The following MGAT3 variants were observed in gnomAD, a reference collection of about 807,000 sequenced individuals.
MGAT3 encodes the protein GlcNAc-T III.
A neutral mutation model predicts 29.8 loss-of-function variants in MGAT3; 9 were observed. The ratio of observed to expected loss-of-function variants is 0.30; its 90% CI spans 0.18 to 0.53. The LOEUF (loss-of-function observed/expected upper bound fraction) is 0.53, where lower values mean the gene tolerates loss of function less well. MGAT3 is among the 20% of genes least tolerant of loss of function. The pLI is 0.96. For synonymous variants in MGAT3, 397 were observed against 348.9 expected (o/e 1.14, Z -1.54); for missense variants, 557 against 769.5 (o/e 0.72, Z 3.27).
In MGAT3 at chr22:39,458,666, A is replaced by G. The variant is rs1248841869; in HGVS notation, c.-2+1109A>G. Among the ~76,000 whole-genome samples, 4 of 152,154 alleles carry G rather than the reference A, an allele frequency of 2.6e-5. No individual in the cohort carries two copies. In the East Asian group the frequency reaches 7.7e-4, roughly 29 times the overall value. ...AGAGGGGTCCCAGCCCAGGAGGAAG[A>G]GAGAGGTTACTGGAAGAGATGACGA... On this transcript the variant is annotated intron_variant, in intron 1 of 1. Coordinates refer to ENST00000341184, the MANE Select transcript of MGAT3 (RefSeq NM_002409.5).
chr22:39,473,237 C>T (rs1257166646), intron 1 of MGAT3, among the ~76,000 whole-genome samples: 1 of 152,208 alleles, frequency 6.6e-6, no homozygotes, highest in Non-Finnish European at 1.5e-5. Flanking sequence ...GGTCTGTAAA[C>T]AGCAGAACTT....
chr22:39,461,971 G>A (rs375532655), intron 1 of MGAT3, among the ~76,000 whole-genome samples: 33 of 151,186 alleles, frequency 2.2e-4, no homozygotes, highest in African/African-American at 5.8e-4. Flanking sequence ...GCATGATCTC[G>A]GCTCACTGCA....
intron 1 of MGAT3, among the ~76,000 whole-genome samples, chr22:39,462,936 C>T (rs969490163): frequency 6.6e-6 from 1 of 152,136 alleles, no homozygotes; most frequent in Non-Finnish European, 1.5e-5. Flanking sequence ...GGGAGACAGA[C>T]CTGTGCACGT....
intron 1 of MGAT3, among the ~76,000 whole-genome samples, chr22:39,465,896 C>T (rs888354069): frequency 2.7e-5 from 4 of 149,604 alleles, no homozygotes; most frequent in Non-Finnish European, 4.4e-5. Flanking sequence ...TGTGCCACTG[C>T]ACTCCAACCT....
At chr22:39,460,561 G>A (rs1928469308) in intron 1 of MGAT3, among the ~76,000 whole-genome samples, 1 of 152,212 alleles carries the variant, frequency 6.6e-6, no homozygotes, top group South Asian at 2.1e-4. Context: ...AGTTTGGGAG[G>A]CCGAGGTGGG....
In MGAT3 at chr22:39,488,409, G is replaced by A. The variant is rs1929352494; in HGVS notation, c.1062G>A (p.Lys354=). ...MRKSLYGFFW[K]QPGTLEVVSG... is the part of the protein sequence containing the mutation. ...AGTCGCTCTACGGCTTCTTCTGGAA[G>A]CAGCCGGGCACCCTGGAGGTGGTGT... Residue 354 remains lysine, a synonymous_variant, in exon 2 of 2, where the codon AAG becomes AAA. Transcript: ENST00000341184. 6.2e-7 allele frequency: 1 copy of A among 1,612,832 alleles called. No individual in the cohort carries two copies. Among genetic ancestry groups the A allele is most frequent in the Non-Finnish European group, 8.5e-7 (1 of 1,180,028 alleles).
At chr22:39,475,348 G>A (rs1928927952) in intron 1 of MGAT3, among the ~76,000 whole-genome samples, 1 of 151,908 alleles carries the variant, frequency 6.6e-6, no homozygotes, top group Non-Finnish European at 1.5e-5. Flanking sequence ...GGAAAGAGCT[G>A]TCCTCAGTGC....
chr22:39,471,680 A>G (rs116945449), intron 1 of MGAT3, among the ~76,000 whole-genome samples: 13 of 152,162 alleles, frequency 8.5e-5, no homozygotes, highest in East Asian at 1.9e-4. Flanking sequence ...CATCGGTTCT[A>G]TTCTTCCCAT....
In MGAT3 at chr22:39,487,720, C is replaced by G. The variant is rs1415896560; in HGVS notation, c.373C>G (p.Leu125Val). 6.4e-7 allele frequency: 1 copy of G among 1,564,240 alleles called. No individual in the cohort carries two copies. Among genetic ancestry groups the G allele is most frequent in the South Asian group, 1.2e-5 (1 of 84,048 alleles). ...CTGCTTCAAACCCGGCACCAAGATG[C>G]TGGAGAGGCCGCCCCCGGGACGGCC... Reference protein sequence around the residue: ...GVCFKPGTKMLERPPPGRPEE... With the variant: ...GVCFKPGTKMVERPPPGRPEE... The change falls in exon 2 of 2, where the codon CTG becomes GTG. Residue 125 changes from leucine (L) to valine (V), a missense_variant. By Grantham distance (32) the Leu-to-Val change is conservative. This residue lies in a region of MGAT3 where 212 missense variants were observed against 228.5 expected (regional missense o/e 0.93). Coordinates refer to ENST00000341184, the MANE Select transcript of MGAT3 (RefSeq NM_002409.5). The surrounding 1 kb of genome is among the most constrained non-coding windows in gnomAD (Gnocchi z 5.7).
chr22:39,459,519 A>G (rs930981111), intron 1 of MGAT3, among the ~76,000 whole-genome samples: 2 of 152,174 alleles, frequency 1.3e-5, no homozygotes, highest in Non-Finnish European at 2.9e-5. Flanking sequence ...GCTGGAGTGC[A>G]GTGGTGTGAT....
chr22:39,465,030 C>T (rs547233870), intron 1 of MGAT3, among the ~76,000 whole-genome samples: 15 of 152,308 alleles, frequency 9.8e-5, no homozygotes, highest in Admixed American at 9.2e-4. Flanking sequence ...GCTGGGATTA[C>T]AGCCATGAGC....
chr22:39,458,580 A>G (rs1928409181), intron 1 of MGAT3, among the ~76,000 whole-genome samples: 2 of 152,062 alleles, frequency 1.3e-5, no homozygotes, highest in African/African-American at 4.8e-5. Context: ...TGCAGCTCTG[A>G]GGGGGTTTTC....
At chr22:39,467,071 G>T (rs929725611) in intron 1 of MGAT3, among the ~76,000 whole-genome samples, 7 of 152,210 alleles carry the variant, frequency 4.6e-5, no homozygotes, top group Non-Finnish European at 4.4e-5. Flanking sequence ...TGTGTTTTGT[G>T]CATGCTACAT....
chr22:39,474,180 A>C (rs1170728352), intron 1 of MGAT3, among the ~76,000 whole-genome samples: 1 of 152,126 alleles, frequency 6.6e-6, no homozygotes, highest in Non-Finnish European at 1.5e-5. Context: ...GCAGTGTGCC[A>C]CCGGGGTGCT....
chr22:39,469,283 G>T (rs1163112510), intron 1 of MGAT3, among the ~76,000 whole-genome samples: 1 of 152,154 alleles, frequency 6.6e-6, no homozygotes, highest in Non-Finnish European at 1.5e-5. Context: ...TTGAGTCACA[G>T]GTTACTAGCT....
At chr22:39,482,689 C>T (rs951031944) in intron 1 of MGAT3, among the ~76,000 whole-genome samples, 11 of 152,210 alleles carry the variant, frequency 7.2e-5, no homozygotes, top group African/African-American at 1.2e-4. Flanking sequence ...TGAAACTATG[C>T]GGGCAGCTGC....
At chr22:39,482,097 G>A (rs1401822555) in intron 1 of MGAT3, among the ~76,000 whole-genome samples, 1 of 151,724 alleles carries the variant, frequency 6.6e-6, no homozygotes, top group Non-Finnish European at 1.5e-5. Flanking sequence ...AGAACTACAG[G>A]CACATAGTAG....
At position 39,487,398 on chromosome 22, in the gene MGAT3, G is replaced by A; in HGVS notation, c.51G>A (p.Leu17=). The change falls in exon 2 of 2, where the codon CTG becomes CTA. Residue 17 remains leucine, a synonymous_variant. Transcript: ENST00000341184. The surrounding 1 kb of genome is among the most constrained non-coding windows in gnomAD (Gnocchi z 5.7). ...KLFLMFCMAG[L]CLISFLHFFK... ...TTCTCATGTTCTGTATGGCCGGCCT[G>A]TGCCTCATCTCCTTCCTGCACTTCT... 1 of 1,613,660 alleles carries A rather than the reference G, an allele frequency of 6.2e-7. No individual in the cohort carries two copies.
chr22:39,488,154 G>A lies in MGAT3; in HGVS notation c.807G>A (p.Val269=). The change falls in exon 2 of 2, where the codon GTG becomes GTA. Residue 269 remains valine, a synonymous_variant. Transcript: ENST00000341184. ...NGTFEYIRHK[V]LYVFLDHFPP... The stretch of plus-strand genomic sequence containing the variant: ...CCTTCGAGTACATCCGCCACAAGGT[G>A]CTCTATGTCTTCCTGGACCACTTCC... 1.9e-6 allele frequency: 3 copies of A among 1,613,030 alleles called. No homozygotes were observed. The highest frequency in any genetic ancestry group is 1.7e-6 in the Non-Finnish European group (2 of 1,179,922).
Sources: gnomAD v4.1 joint callset for allele counts (sites outside exome capture counted in the v4.1 genomes callset) on GRCh38, gnomAD v4.1.1 for gene constraint, gnomAD v4.1.1 regional missense constraint, Gnocchi (gnomAD v3.1) non-coding constraint, MANE v1.5 for transcripts, NCBI Gene and HGNC (gene_info 2026-07-23, HGNC 2026-07-21) for gene names.